The following NOS1AP variants were observed in gnomAD, a reference collection of about 807,000 sequenced individuals.
NOS1AP encodes the protein carboxyl-terminal PDZ ligand of neuronal nitric oxide synthase protein.
A neutral mutation model predicts 56.2 loss-of-function variants in NOS1AP; 21 were observed. That is an observed-to-expected ratio of 0.37 (90% CI 0.26 to 0.54). NOS1AP has a LOEUF of 0.54. Among genes scored for constraint, NOS1AP ranks in the 20% least tolerant of loss-of-function variants. NOS1AP has a pLI of 0.84. For missense variants in NOS1AP, 522 were observed against 657.8 expected (o/e 0.79, Z 2.26); for synonymous variants, 270 against 274.6 (o/e 0.98, Z 0.17).
intron 2 of NOS1AP, among the ~76,000 whole-genome samples, chr1:162,212,520 G>A (rs1482755524): frequency 6.6e-6 from 1 of 152,128 alleles, no homozygotes; most frequent in Non-Finnish European, 1.5e-5. Context: ...TGGGAAATAT[G>A]TAAACTCTGC....
chr1:162,181,483 A>G (rs1034384176), intron 2 of NOS1AP, among the ~76,000 whole-genome samples: 2 of 152,212 alleles, frequency 1.3e-5, no homozygotes, highest in African/African-American at 4.8e-5. Flanking sequence ...AAGGTTTTAC[A>G]TTTTAGATAA....
chr1:162,180,183 C>T (rs766911575), intron 2 of NOS1AP, among the ~76,000 whole-genome samples: 6 of 152,140 alleles, frequency 3.9e-5, no homozygotes, highest in Non-Finnish European at 7.4e-5. Flanking sequence ...CGGTGACCTC[C>T]AATGTGCCAG....
chr1:162,238,504 C>T (rs1381524546), intron 2 of NOS1AP, among the ~76,000 whole-genome samples: 2 of 152,128 alleles, frequency 1.3e-5, no homozygotes, highest in Non-Finnish European at 2.9e-5. Flanking sequence ...TCTTATGTGC[C>T]ACCATAATTT....
intron 1 of NOS1AP, among the ~76,000 whole-genome samples, chr1:162,101,617 G>A (rs575850209): frequency 3.6e-4 from 55 of 152,218 alleles, no homozygotes; most frequent in African/African-American, 1.2e-3. Flanking sequence ...TGATTTCTTT[G>A]AGCAGTTGTT....
At chr1:162,263,918 T>G (rs1654317200) in intron 2 of NOS1AP, among the ~76,000 whole-genome samples, 1 of 152,206 alleles carries the variant, frequency 6.6e-6, no homozygotes. Flanking sequence ...TCATTCTTCC[T>G]CCTGTCCCAC....
intron 5 of NOS1AP, among the ~76,000 whole-genome samples, chr1:162,342,981 C>T (rs1428710577): frequency 1.3e-5 from 2 of 152,224 alleles, no homozygotes; most frequent in East Asian, 3.9e-4. Context: ...AACCACATCA[C>T]TCATTTCTGT....
intron 2 of NOS1AP, among the ~76,000 whole-genome samples, chr1:162,283,302 AG>A: frequency 6.6e-6 from 1 of 152,180 alleles, no homozygotes; most frequent in Non-Finnish European, 1.5e-5. Context: ...CTGGACTCTG[AG>A]GAAGTAATTC....
At chr1:162,244,560 G>A (rs147043639) in intron 2 of NOS1AP, among the ~76,000 whole-genome samples, 2 of 152,268 alleles carry the variant, frequency 1.3e-5, no homozygotes, top group East Asian at 1.9e-4. Context: ...GTTAGTGACC[G>A]AGCTAGGAAT....
intron 2 of NOS1AP, among the ~76,000 whole-genome samples, chr1:162,165,030 A>C (rs987619829): frequency 6.6e-5 from 10 of 152,190 alleles, no homozygotes; most frequent in African/African-American, 2.4e-4. Context: ...CATAAAGAAA[A>C]TGACTCCCTT....
chr1:162,296,265 G>C (rs1655456841), intron 3 of NOS1AP, among the ~76,000 whole-genome samples: 1 of 152,118 alleles, frequency 6.6e-6, no homozygotes, highest in Non-Finnish European at 1.5e-5. Flanking sequence ...CCAGCCTGGT[G>C]ACAGAGCGAG....
chr1:162,265,085 G>T (rs1403944618), intron 2 of NOS1AP, among the ~76,000 whole-genome samples: 5 of 152,084 alleles, frequency 3.3e-5, no homozygotes, highest in Non-Finnish European at 7.4e-5. Flanking sequence ...AAAGTGCTGG[G>T]ATTACAGGCA....
Position 162,294,196 on chromosome 1 carries a change from T to TAAGG in NOS1AP, c.271-6409_271-6406dup, listed in dbSNP as rs1193084437. 5.4e-3 allele frequency among the ~76,000 whole-genome samples: 479 copies of TAAGG among 88,292 alleles called. 2 individuals carry two copies. The highest frequency in any genetic ancestry group is 0.014 in the African/African-American group (445 of 32,728). 57.9% of individuals were successfully genotyped at this position (88,292 alleles called of 152,430 possible). Reference sequence around the variant, plus strand: ...GGTAGGAAGGAAGGAAGGAAGGAAGTAAGGAAGGAAGGAAGGAAGGAAGGA... The same window carrying TAAGG: ...GGTAGGAAGGAAGGAAGGAAGGAAGTAAGGAAGGAAGGAAGGAAGGAAGGAAGGA... On this transcript the variant is annotated intron_variant, in intron 3 of 9. Coordinates refer to ENST00000361897, the MANE Select transcript of NOS1AP (RefSeq NM_014697.3).
chr1:162,252,511 G>C (rs1653897901), intron 2 of NOS1AP, among the ~76,000 whole-genome samples: 1 of 152,192 alleles, frequency 6.6e-6, no homozygotes, highest in South Asian at 2.1e-4. Flanking sequence ...TTCAGGCTGT[G>C]AGGTCAGCAA....
chr1:162,294,173 TAGGAAGGAAGGAAGGAAGGAAGTA>T (rs1164160738), intron 3 of NOS1AP, among the ~76,000 whole-genome samples: 974 of 84,732 alleles, frequency 0.011, 3 homozygotes, highest in African/African-American at 0.026. Flanking sequence ...GGAAGGCAGG[TAGGAAGGAAGGAAGGAAGGAAGTA>T]AGGAAGGAAG....
At chr1:162,264,034 G>A (rs946410270) in intron 2 of NOS1AP, among the ~76,000 whole-genome samples, 4 of 152,116 alleles carry the variant, frequency 2.6e-5, no homozygotes, top group East Asian at 1.9e-4. Flanking sequence ...AGTAGCCTCC[G>A]AATGGTTTCC....
chr1:162,134,486 A>T (rs5006818), intron 1 of NOS1AP, among the ~76,000 whole-genome samples: 996 of 5,218 alleles, frequency 0.19, 27 homozygotes, highest in Middle Eastern at 0.4. Flanking sequence ...GACTTTGTCT[A>T]AAAAAAAAAA....
intron 2 of NOS1AP, among the ~76,000 whole-genome samples, chr1:162,209,879 T>C (rs1207594296): frequency 1.3e-5 from 2 of 152,118 alleles, no homozygotes; most frequent in East Asian, 3.9e-4. Context: ...TCAGTGTTGT[T>C]GGAAGATGAA....
intron 2 of NOS1AP, among the ~76,000 whole-genome samples, chr1:162,235,382 G>A (rs981791482): frequency 3.3e-5 from 5 of 152,162 alleles, no homozygotes; most frequent in Admixed American, 6.5e-5. Context: ...CTTCCCTGGC[G>A]CTGGTATTGG....
intron 2 of NOS1AP, among the ~76,000 whole-genome samples, chr1:162,256,988 C>A (rs1035695470): frequency 6.6e-6 from 1 of 152,074 alleles, no homozygotes; most frequent in Non-Finnish European, 1.5e-5. Flanking sequence ...CCAAGTTATT[C>A]CTAAGTGAAA....
Sources: gnomAD v4.1 joint callset for allele counts (sites outside exome capture counted in the v4.1 genomes callset) on GRCh38, gnomAD v4.1.1 for gene constraint, MANE v1.5 for transcripts, NCBI Gene and HGNC (gene_info 2026-07-23, HGNC 2026-07-21) for gene names.